The following AGBL1 variants were observed in gnomAD, a reference collection of about 807,000 sequenced individuals.
AGBL1 encodes the protein cytosolic carboxypeptidase 4.
In AGBL1, 130 loss-of-function variants were observed where a neutral mutation model predicts 118.9. The observed-to-expected ratio is 1.09, with a 90% CI of 0.95 to 1.26. The LOEUF (loss-of-function observed/expected upper bound fraction) is 1.26, where lower values mean the gene tolerates loss of function less well. Among genes scored for constraint, AGBL1 ranks in the 50% most tolerant of loss-of-function variants. The pLI, the probability that AGBL1 is intolerant of heterozygous loss-of-function variation, is 0.00. For missense variants in AGBL1, 1,584 were observed against 1,298.1 expected (o/e 1.22, Z -3.38); for synonymous variants, 555 against 478.9 (o/e 1.16, Z -2.08).
intron 17 of AGBL1, among the ~76,000 whole-genome samples, chr15:86,315,046 AAC>A (rs2079980409): frequency 6.6e-6 from 1 of 152,220 alleles, no homozygotes; most frequent in South Asian, 2.1e-4. Context: ...ATGTTTTCCT[AAC>A]ACAGCGTAAA....
chr15:86,395,024 A>G (rs2081342211), intron 17 of AGBL1, among the ~76,000 whole-genome samples: 2 of 152,176 alleles, frequency 1.3e-5, no homozygotes, highest in African/African-American at 4.8e-5. Flanking sequence ...TGTGCCATGT[A>G]TGTAATATCA....
At chr15:86,855,815 A>T (rs1456388743) in intron 22 of AGBL1, among the ~76,000 whole-genome samples, 1 of 152,214 alleles carries the variant, frequency 6.6e-6, no homozygotes, top group Non-Finnish European at 1.5e-5. Flanking sequence ...TTTATGGTAG[A>T]GGCCTTTGCC....
At chr15:86,734,842 T>C (rs1378956076) in intron 22 of AGBL1, among the ~76,000 whole-genome samples, 1 of 152,080 alleles carries the variant, frequency 6.6e-6, no homozygotes, top group Non-Finnish European at 1.5e-5. Flanking sequence ...TTTCCTTACA[T>C]TTCTGCCACT....
intron 22 of AGBL1, among the ~76,000 whole-genome samples, chr15:86,825,890 TA>T (rs1397842935): frequency 2.1e-3 from 13 of 6,130 alleles, no homozygotes; most frequent in African/African-American, 2.8e-3. Context: ...GATGGATGGA[TA>T]GATAGATAGA....
chr15:86,772,544 T>C (rs956282949), intron 22 of AGBL1, among the ~76,000 whole-genome samples: 1 of 152,028 alleles, frequency 6.6e-6, no homozygotes, highest in Non-Finnish European at 1.5e-5. Context: ...TTGGTGGTAA[T>C]TCATAAGCAC....
intron 1 of AGBL1, among the ~76,000 whole-genome samples, chr15:86,120,898 G>C (rs998886846): frequency 5.5e-5 from 8 of 145,902 alleles, no homozygotes; most frequent in Non-Finnish European, 9.1e-5. Flanking sequence ...TTGCTTTTAT[G>C]GATTTTTTTT....
chr15:86,762,191 G>A lies in AGBL1; in HGVS notation c.3158+87755G>A, dbSNP rs2078035960. On this transcript the variant is annotated intron_variant, in intron 22 of 22. Coordinates refer to ENST00000614907, the MANE Select transcript of AGBL1 (RefSeq NM_001386094.1). The stretch of plus-strand genomic sequence containing the variant: ...AATGAGAACACATAGACACAAGGAG[G>A]GGAACATCACACAGTGGGGCCTGTT... Among the ~76,000 whole-genome samples the A allele has an allele frequency of 2.0e-5, 3 of 152,068 alleles. No individual in the cohort carries two copies. In the South Asian group the frequency reaches 6.3e-4, roughly 32 times the overall value.
At chr15:86,724,509 C>T (rs983595754) in intron 22 of AGBL1, among the ~76,000 whole-genome samples, 9 of 151,874 alleles carry the variant, frequency 5.9e-5, no homozygotes, top group Non-Finnish European at 1.3e-4. Flanking sequence ...AATCTTTTGG[C>T]CCAAAAATCA....
chr15:86,977,769 A>G (rs970147320), intron 23 of AGBL1, among the ~76,000 whole-genome samples: 1 of 151,884 alleles, frequency 6.6e-6, no homozygotes, highest in African/African-American at 2.4e-5. Context: ...TTGTATGATT[A>G]TTTCTGATGT....
chr15:86,473,564 A>G (rs530166595), intron 18 of AGBL1, among the ~76,000 whole-genome samples: 1 of 151,804 alleles, frequency 6.6e-6, no homozygotes, highest in Non-Finnish European at 1.5e-5. Context: ...TGTTTTTTTT[A>G]AAAAAGGTCA....
chr15:86,976,807 T>C (rs1307523572), intron 23 of AGBL1, among the ~76,000 whole-genome samples: 1 of 152,068 alleles, frequency 6.6e-6, no homozygotes, highest in East Asian at 1.9e-4. Flanking sequence ...TGCTCATATA[T>C]TTATTCGTAT....
chr15:86,141,293 T>A (rs943455008), intron 1 of AGBL1, among the ~76,000 whole-genome samples: 1 of 152,266 alleles, frequency 6.6e-6, no homozygotes, highest in Non-Finnish European at 1.5e-5. Flanking sequence ...GAGTTCATTC[T>A]TGTCAGTCAG....
At chr15:86,571,705 T>C (rs923345947) in intron 21 of AGBL1, among the ~76,000 whole-genome samples, 1 of 152,176 alleles carries the variant, frequency 6.6e-6, no homozygotes, top group African/African-American at 2.4e-5. Context: ...GGGGTGTTTA[T>C]TGGCCTCAGA....
intron 19 of AGBL1, among the ~76,000 whole-genome samples, chr15:86,526,909 T>G (rs1239963878): frequency 1.3e-5 from 2 of 152,118 alleles, no homozygotes; most frequent in African/African-American, 4.8e-5. Flanking sequence ...CAATGTACAC[T>G]ATTCAGGTGA....
intron 22 of AGBL1, among the ~76,000 whole-genome samples, chr15:86,730,160 G>A (rs1480822787): frequency 1.1e-4 from 16 of 152,044 alleles, no homozygotes; most frequent in Admixed American, 9.2e-4. Context: ...GTAAGATCTC[G>A]AATTATGAAA....
intron 22 of AGBL1, among the ~76,000 whole-genome samples, chr15:86,844,870 C>T (rs2881582): frequency 0.14 from 20,880 of 151,934 alleles, 1,879 homozygotes; most frequent in Admixed American, 0.25. Flanking sequence ...TTATATGTAT[C>T]GTATGAGGTA....
At chr15:86,542,997 G>A (rs1216636185) in intron 19 of AGBL1, among the ~76,000 whole-genome samples, 1 of 152,116 alleles carries the variant, frequency 6.6e-6, no homozygotes, top group Non-Finnish European at 1.5e-5. Flanking sequence ...TAATTAGTGT[G>A]TTTTGACCAT....
chr15:86,380,330 G>A (rs1030691830), intron 17 of AGBL1, among the ~76,000 whole-genome samples: 3 of 146,306 alleles, frequency 2.1e-5, no homozygotes, highest in South Asian at 2.2e-4. Flanking sequence ...TGTCGCCCAG[G>A]CTGGAGGACA....
chr15:86,502,130 T>C (rs987993408), intron 18 of AGBL1, among the ~76,000 whole-genome samples: 3 of 151,700 alleles, frequency 2.0e-5, no homozygotes, highest in Non-Finnish European at 3.0e-5. Flanking sequence ...ATGTTTTGTC[T>C]TTTGTGGTGT....
Sources: gnomAD v4.1 joint callset for allele counts (sites outside exome capture counted in the v4.1 genomes callset) on GRCh38, gnomAD v4.1.1 for gene constraint, MANE v1.5 for transcripts, NCBI Gene and HGNC (gene_info 2026-07-23, HGNC 2026-07-21) for gene names.